The following LAMC1 variants were observed in gnomAD, a reference collection of about 807,000 sequenced individuals.
The protein encoded by LAMC1 is laminin subunit gamma-1.
LAMC1 carries 38 observed loss-of-function variants against 173.6 expected under a neutral mutation model. That is an observed-to-expected ratio of 0.22 (90% confidence interval 0.17 to 0.29). The LOEUF (loss-of-function observed/expected upper bound fraction) is 0.29. Ranked by LOEUF, LAMC1 falls within the 10% of genes least tolerant of loss-of-function variation. LAMC1 has a pLI of 1.00. For synonymous variants in LAMC1, 746 were observed against 749.1 expected (o/e 1.00, Z 0.07); for missense variants, 1,824 against 2,051.8 (o/e 0.89, Z 2.14).
At chr1:183,035,956 T>C (rs1462824917) in intron 1 of LAMC1, among the ~76,000 whole-genome samples, 1 of 152,102 alleles carries the variant, frequency 6.6e-6, no homozygotes, top group Non-Finnish European at 1.5e-5. Flanking sequence ...ATGCAGAAAA[T>C]GTTGTAATCC....
rs567534833 is a variant in LAMC1 at position 183,115,991 on chromosome 1, G to T, written c.1328+354G>T. On this transcript the variant is annotated intron_variant, in intron 6 of 27. Coordinates refer to ENST00000258341, the MANE Select transcript of LAMC1 (RefSeq NM_002293.4). ...AAAATACAAAAAAAATTAGCCAGGC[G>T]TGGTGGCGGGCAGCAGTAGTCCCAG... Among the ~76,000 whole-genome samples the T allele has an allele frequency of 3.0e-4, 46 of 152,178 alleles. 1 individual carries two copies. Among genetic ancestry groups the T allele is most frequent in the Middle Eastern group, 3.4e-3 (1 of 294 alleles).
At chr1:183,114,336 G>T (rs1347116220) in intron 4 of LAMC1, among the ~76,000 whole-genome samples, 195 bp from the exon 5 acceptor site, 1 of 152,188 alleles carries the variant, frequency 6.6e-6, no homozygotes, top group Non-Finnish European at 1.5e-5. Flanking sequence ...CTTCCAAAGT[G>T]CTGGGATTAT....
chr1:183,137,961 G>A (rs1656994731), intron 26 of LAMC1, 134 bp downstream of exon 26: 2 of 823,610 alleles, frequency 2.4e-6, no homozygotes, highest in Admixed American at 6.9e-5. Context: ...CAAGAATTGG[G>A]TTAGTAGCTT....
chr1:183,033,954 C>T (rs1429747613), intron 1 of LAMC1, among the ~76,000 whole-genome samples: 1 of 152,106 alleles, frequency 6.6e-6, no homozygotes, highest in Non-Finnish European at 1.5e-5. Context: ...CCTCCTTGGC[C>T]TCCCAAAGTG....
rs1395556957 is a variant in LAMC1, at chr1:183,122,141, C to T, written c.2291C>T (p.Ala764Val). The change falls in exon 13 of 28, where the codon GCA becomes GTA. Residue 764 changes from alanine (A) to valine (V), a missense_variant. Ala to Val is a moderately conservative substitution (Grantham distance 64). Coordinates refer to ENST00000258341, the MANE Select transcript of LAMC1 (RefSeq NM_002293.4). Reference sequence around the variant, plus strand: ...GATGGGTACTATGGAGATTCAACTGCAGGCACCTCCTCCGATTGCCAACCC... The same window carrying T: ...GATGGGTACTATGGAGATTCAACTGTAGGCACCTCCTCCGATTGCCAACCC... ...CSDGYYGDSTAGTSSDCQPCP... is the reference protein window; with the variant it reads ...CSDGYYGDSTVGTSSDCQPCP... 3 of 1,614,214 alleles carry T rather than the reference C, an allele frequency of 1.9e-6. No homozygotes were observed. In the South Asian group the frequency reaches 3.3e-5, roughly 18 times the overall value.
rs201591027 is a variant in LAMC1, at chr1:183,103,530, T to G, written c.621T>G (p.Asp207Glu). 282 of 1,613,822 alleles carry G rather than the reference T, an allele frequency of 1.7e-4. No individual in the cohort carries two copies. The highest frequency in any genetic ancestry group is 2.2e-4 in the Non-Finnish European group (260 of 1,179,884). The change falls in exon 2 of 28, where the codon GAT becomes GAG. Residue 207 changes from aspartate (D) to glutamate (E), a missense_variant. Asp to Glu is a conservative substitution (Grantham distance 45). Coordinates refer to ENST00000258341, the MANE Select transcript of LAMC1 (RefSeq NM_002293.4). ...GGDEQQALCT[D>E]EFSDISPLTG... ...ACGAGCAGCAGGCCTTGTGTACTGA[T>G]GAATTCAGTGACATTTCTCCCCTCA...
intron 1 of LAMC1, among the ~76,000 whole-genome samples, chr1:183,033,077 T>G (rs1454184451): frequency 6.6e-6 from 1 of 152,182 alleles, no homozygotes; most frequent in Non-Finnish European, 1.5e-5. Flanking sequence ...ATAATATAGT[T>G]GATTTTGTTT....
chr1:183,125,267 T>G, intron 14 of LAMC1, 130 bp from the exon 15 acceptor site: 1 of 853,526 alleles, frequency 1.2e-6, no homozygotes, highest in Non-Finnish European at 1.9e-6. Flanking sequence ...TTTAAAGTGC[T>G]CAGTAGCCAC....
chr1:183,116,621 T>C lies in LAMC1; in HGVS notation c.1373T>C (p.Ile458Thr), dbSNP rs1427663076. Residue 458 changes from isoleucine (I) to threonine (T), a missense_variant, in exon 7 of 28, where the codon ATT becomes ACT. Coordinates refer to ENST00000258341, the MANE Select transcript of LAMC1 (RefSeq NM_002293.4). ...TCTGGCAGCATAGATGAATGTAATA[T>C]TGAAACAGGAAGATGTGTTTGCAAA... ...DPSGSIDECN[I>T]ETGRCVCKDN... The C allele has an allele frequency of 6.2e-7, 1 of 1,613,524 alleles. No homozygotes were observed. Among genetic ancestry groups the C allele is most frequent in the South Asian group, 1.1e-5 (1 of 91,030 alleles).
Position 183,110,472 on chromosome 1 carries a change from T to A in LAMC1, c.855-16T>A. ...TGCAGCTGTTCCATTTTTTGGAGTA[T>A]CTCTTCTCTCCCCAGATGTAAATGT... On this transcript the variant is annotated splice_polypyrimidine_tract_variant and intron_variant, in intron 3 of 27. Transcript: ENST00000258341. The A allele has an allele frequency of 6.3e-7, 1 of 1,590,664 alleles. No individual in the cohort carries two copies. Among genetic ancestry groups the A allele is most frequent in the Non-Finnish European group, 8.6e-7 (1 of 1,163,598 alleles).
At chr1:183,085,277 C>A (rs1446932610) in intron 1 of LAMC1, among the ~76,000 whole-genome samples, 3 of 151,350 alleles carry the variant, frequency 2.0e-5, no homozygotes, top group Non-Finnish European at 2.9e-5. Context: ...GCTGTTTGTA[C>A]CTTTCCTAAG....
chr1:183,126,091 C>T (rs1360965656), intron 15 of LAMC1, 29 bp from the exon 16 acceptor site: 1 of 1,594,748 alleles, frequency 6.3e-7, no homozygotes, highest in Non-Finnish European at 8.5e-7. Context: ...GTTTTTCTTG[C>T]CTGAGAAATG....
chr1:183,133,352 T>TAA (rs1485675663), intron 21 of LAMC1, 54 bp from the exon 22 acceptor site: 4 of 1,517,868 alleles, frequency 2.6e-6, no homozygotes, highest in Non-Finnish European at 2.7e-6. Context: ...TGGTTAACAT[T>TAA]AAGATGCTAA....
Position 183,122,159 on chromosome 1 carries a change from G to A in LAMC1, c.2309G>A (p.Cys770Tyr). 6.2e-7 allele frequency: 1 copy of A among 1,614,146 alleles called. No individual in the cohort carries two copies. The highest frequency in any genetic ancestry group is 8.5e-7 in the Non-Finnish European group (1 of 1,180,026). ...TCAACTGCAGGCACCTCCTCCGATT[G>A]CCAACCCTGTCCGTGTCCTGGAGGT... ...GDSTAGTSSD[C>Y]QPCPCPGGSS... Residue 770 changes from cysteine to tyrosine, a missense_variant, in exon 13 of 28, where the codon TGC (cysteine) becomes TAC (tyrosine). Physicochemically the swap from Cys to Tyr is radical, Grantham distance 194. Transcript: ENST00000258341.
intron 1 of LAMC1, among the ~76,000 whole-genome samples, chr1:183,026,337 T>C (rs1416296071): frequency 1.3e-5 from 2 of 152,126 alleles, no homozygotes; most frequent in Non-Finnish European, 2.9e-5. Context: ...GAAGAAATCA[T>C]GCATAGTGGA....
intron 17 of LAMC1, 104 bp downstream of exon 17, chr1:183,127,508 G>T: frequency 2.1e-6 from 2 of 953,426 alleles, no homozygotes; most frequent in Non-Finnish European, 1.6e-6. Context: ...GGTAGATGTG[G>T]TCCCTGTTCT....
chr1:183,140,299 A>T (rs546661951), intron 26 of LAMC1, 105 bp from the exon 27 acceptor site: 23 of 441,374 alleles, frequency 5.2e-5, no homozygotes, highest in African/African-American at 4.6e-4. Context: ...AAGTTAGAAA[A>T]GGGAAGAAAA....
intron 1 of LAMC1, among the ~76,000 whole-genome samples, chr1:183,063,890 G>T (rs531869067): frequency 5.9e-5 from 9 of 152,000 alleles, no homozygotes; most frequent in South Asian, 2.1e-4. Flanking sequence ...TAATTGATAC[G>T]GATCCCTCCA....
intron 16 of LAMC1, 99 bp from the exon 17 acceptor site, chr1:183,127,127 A>G (rs181648183): frequency 4.5e-6 from 5 of 1,120,754 alleles, no homozygotes; most frequent in South Asian, 1.5e-5. Context: ...TTATGACAGT[A>G]TAGTCAGCTT....
Sources: gnomAD v4.1 joint callset for allele counts (sites outside exome capture counted in the v4.1 genomes callset) on GRCh38, gnomAD v4.1.1 for gene constraint, MANE v1.5 for transcripts, NCBI Gene and HGNC (gene_info 2026-07-23, HGNC 2026-07-21) for gene names.